The following RIT2 variants were observed in gnomAD, a reference collection of about 807,000 sequenced individuals.
RIT2 encodes Ras like without CAAX 2, also known as GTP-binding protein Rit2.
RIT2 carries 24 observed loss-of-function variants against 23.7 expected under a neutral mutation model. The ratio of observed to expected loss-of-function variants is 1.01; its 90% confidence interval spans 0.73 to 1.43. RIT2 has a LOEUF of 1.43. Ranked by LOEUF, RIT2 falls within the 40% of genes most tolerant of loss-of-function variation. RIT2 has a pLI of 0.00. For missense variants in RIT2, 236 were observed against 266.9 expected (o/e 0.88, Z 0.81); for synonymous variants, 107 against 91.1 (o/e 1.17, Z -0.99).
chr18:42,850,949 C>T (rs2144035940), intron 4 of RIT2, among the ~76,000 whole-genome samples: 1 of 152,244 alleles, frequency 6.6e-6, no homozygotes, highest in Middle Eastern at 3.4e-3. Flanking sequence ...TCTATAATTC[C>T]CAGAGGCCGG....
At chr18:43,041,777 A>C (rs925001761) in intron 1 of RIT2, among the ~76,000 whole-genome samples, 1 of 152,102 alleles carries the variant, frequency 6.6e-6, no homozygotes, top group African/African-American at 2.4e-5. Context: ...CTTACTTTGC[A>C]TAATTCAGTA....
At chr18:42,784,080 T>C (rs1913872184) in intron 4 of RIT2, among the ~76,000 whole-genome samples, 1 of 152,004 alleles carries the variant, frequency 6.6e-6, no homozygotes, top group Non-Finnish European at 1.5e-5. Flanking sequence ...GTGAGGGTAG[T>C]TGTACACACT....
At chr18:42,819,560 C>A (rs1406659131) in intron 4 of RIT2, among the ~76,000 whole-genome samples, 1 of 151,938 alleles carries the variant, frequency 6.6e-6, no homozygotes, top group Admixed American at 6.6e-5. Flanking sequence ...AAATAAAGTA[C>A]ATCTTTATGT....
chr18:42,873,316 G>T (rs73471638), intron 4 of RIT2, among the ~76,000 whole-genome samples: 19,358 of 151,940 alleles, frequency 0.13, 1,235 homozygotes, highest in Middle Eastern at 0.26. Flanking sequence ...TTTATATAGT[G>T]GAAAAACATT....
chr18:42,752,505 T>C (rs188528731), intron 4 of RIT2, among the ~76,000 whole-genome samples: 265 of 152,266 alleles, frequency 1.7e-3, no homozygotes, highest in African/African-American at 6.1e-3. Context: ...GTCACACATC[T>C]AATTAAGTAA....
At chr18:42,752,289 G>T (rs562001684) in intron 4 of RIT2, among the ~76,000 whole-genome samples, 46 of 152,048 alleles carry the variant, frequency 3.0e-4, no homozygotes, top group African/African-American at 1.1e-3. Flanking sequence ...TATTCTTTTA[G>T]CATAAGATAT....
intron 3 of RIT2, among the ~76,000 whole-genome samples, chr18:42,942,109 A>T (rs1404980669): frequency 3.3e-5 from 5 of 152,258 alleles, no homozygotes; most frequent in Non-Finnish European, 7.4e-5. Context: ...CAAGTAAAAA[A>T]AAAAAACAGT....
chr18:43,106,404 A>ATGTT (rs1913823619), intron 1 of RIT2, among the ~76,000 whole-genome samples: 1 of 152,206 alleles, frequency 6.6e-6, no homozygotes. Flanking sequence ...TGATTTTCAC[A>ATGTT]TATACAAGAA....
chr18:42,917,839 A>G (rs1431849806), intron 4 of RIT2, among the ~76,000 whole-genome samples: 1 of 151,522 alleles, frequency 6.6e-6, no homozygotes, highest in Non-Finnish European at 1.5e-5. Context: ...TCCTCCCCAC[A>G]CTCCGGAGTT....
chr18:43,043,404 A>C lies in RIT2; in HGVS notation c.104-9537T>G, dbSNP rs1441186276. Among the ~76,000 whole-genome samples, 5 of 152,260 alleles carry C rather than the reference A, an allele frequency of 3.3e-5. No homozygotes were observed. In the East Asian group the frequency reaches 9.6e-4, roughly 29 times the overall value. ...GGGCCATTGATATTTGCTGAGTAAT[A>C]ACACACATGTACACTAAATGTTAAT... On this transcript the variant is annotated intron_variant, in intron 1 of 4. Coordinates refer to ENST00000326695, the MANE Select transcript of RIT2 (RefSeq NM_002930.4).
chr18:43,109,582 C>G (rs1272485259), intron 1 of RIT2, among the ~76,000 whole-genome samples: 1 of 152,170 alleles, frequency 6.6e-6, no homozygotes, highest in African/African-American at 2.4e-5. Flanking sequence ...TAAATACCAT[C>G]TATGCTGTGA....
intron 2 of RIT2, among the ~76,000 whole-genome samples, chr18:42,975,612 C>T (rs1910460995): frequency 6.6e-6 from 1 of 152,038 alleles, no homozygotes; most frequent in South Asian, 2.1e-4. Context: ...TAGCTGAGTA[C>T]ACAGGGAGAT....
At chr18:42,789,649 G>T (rs1220152433) in intron 4 of RIT2, among the ~76,000 whole-genome samples, 2 of 151,994 alleles carry the variant, frequency 1.3e-5, no homozygotes, top group Admixed American at 6.6e-5. Flanking sequence ...GGTGTAGAAA[G>T]GCTAGTGAGT....
chr18:43,023,362 T>C (rs1432919472), intron 2 of RIT2, among the ~76,000 whole-genome samples: 1 of 152,092 alleles, frequency 6.6e-6, no homozygotes, highest in East Asian at 1.9e-4. Context: ...CTTTCCATTC[T>C]CTATGAATAG....
At chr18:43,055,092 G>A (rs1912469238) in intron 1 of RIT2, among the ~76,000 whole-genome samples, 1 of 152,044 alleles carries the variant, frequency 6.6e-6, no homozygotes, top group South Asian at 2.1e-4. Flanking sequence ...TGTTCCTGTT[G>A]TTACATTTTC....
intron 4 of RIT2, among the ~76,000 whole-genome samples, chr18:42,757,635 G>T (rs1420992200): frequency 6.6e-6 from 1 of 152,176 alleles, no homozygotes; most frequent in Non-Finnish European, 1.5e-5. Flanking sequence ...AAATGTACGT[G>T]CCTGTGCTTA....
chr18:43,068,718 A>ACC (rs1912831434), intron 1 of RIT2, among the ~76,000 whole-genome samples: 2 of 152,226 alleles, frequency 1.3e-5, no homozygotes, highest in East Asian at 3.9e-4. Flanking sequence ...TTTAAATGAT[A>ACC]TTACAATTGG....
chr18:42,747,088 A>G (rs1222193736), intron 4 of RIT2, among the ~76,000 whole-genome samples: 1 of 152,084 alleles, frequency 6.6e-6, no homozygotes, highest in African/African-American at 2.4e-5. Flanking sequence ...AGGACATTCA[A>G]ACTGGTGAAG....
chr18:43,014,612 T>C (rs1415489687), intron 2 of RIT2, among the ~76,000 whole-genome samples: 1 of 150,288 alleles, frequency 6.7e-6, no homozygotes, highest in Non-Finnish European at 1.5e-5. Context: ...ATTTTTAAAA[T>C]ATAATAAATA....
Sources: gnomAD v4.1 joint callset for allele counts (sites outside exome capture counted in the v4.1 genomes callset) on GRCh38, gnomAD v4.1.1 for gene constraint, MANE v1.5 for transcripts, NCBI Gene and HGNC (gene_info 2026-07-23, HGNC 2026-07-21) for gene names.